Variants in PRKCA observed in about 807,000 individuals in gnomAD.
PRKCA encodes protein kinase C alpha.
A neutral mutation model predicts 87.0 loss-of-function variants in PRKCA; 27 were observed. The ratio of observed to expected loss-of-function variants is 0.31; its 90% CI spans 0.23 to 0.43. The LOEUF is 0.43. Among genes scored for constraint, PRKCA ranks in the 20% least tolerant of loss-of-function variants. PRKCA has a pLI of 1.00. For missense variants in PRKCA, 518 were observed against 852.3 expected, an observed-to-expected ratio of 0.61 and a Z score of 4.88; for synonymous variants, 329 against 311.1, an observed-to-expected ratio of 1.06 and a Z score of -0.61.
At chr17:66,553,182 G>C (rs185844595) in intron 3 of PRKCA, among the ~76,000 whole-genome samples, 1 of 151,804 alleles carries the variant, frequency 6.6e-6, no homozygotes, top group African/African-American at 2.4e-5. Flanking sequence ...GGGTTTTGCC[G>C]TGTTGCCCAG....
At chr17:66,419,202 A>G (rs939106378) in intron 2 of PRKCA, among the ~76,000 whole-genome samples, 1 of 152,214 alleles carries the variant, frequency 6.6e-6, no homozygotes, top group African/African-American at 2.4e-5. Flanking sequence ...GTTGTTAGGC[A>G]GTCATGTGCT....
chr17:66,733,791 C>CA (rs780000047), intron 9 of PRKCA, among the ~76,000 whole-genome samples: 23 of 151,920 alleles, frequency 1.5e-4, no homozygotes, highest in Non-Finnish European at 1.9e-4. Context: ...GACTCCGTCT[C>CA]AAAAAAAGTA....
At chr17:66,397,846 C>G (rs1470133192) in intron 2 of PRKCA, among the ~76,000 whole-genome samples, 1 of 152,150 alleles carries the variant, frequency 6.6e-6, no homozygotes, top group Non-Finnish European at 1.5e-5. Flanking sequence ...TCGTCCAACT[C>G]TGTTTGTGAC....
intron 3 of PRKCA, among the ~76,000 whole-genome samples, chr17:66,557,746 C>G (rs1156502225): frequency 6.6e-6 from 1 of 152,114 alleles, no homozygotes; most frequent in Admixed American, 6.6e-5. Flanking sequence ...CTTCCAAAAC[C>G]TAGAATTTTT....
At chr17:66,667,176 G>T (rs549449749) in intron 5 of PRKCA, among the ~76,000 whole-genome samples, 2 of 152,150 alleles carry the variant, frequency 1.3e-5, no homozygotes, top group African/African-American at 2.4e-5. Flanking sequence ...ATGTCTGCGT[G>T]TTTAGTTCAG....
rs1446965802 is a variant in PRKCA at position 66,534,527 on chromosome 17, C to T, written c.288+38244C>T. ...CTAAAAATACAAAAAATTAGCCGGGCGTGGTGGCGGGCGCCTGTAGTCCCA... is the reference window on the plus strand; with the variant it reads ...CTAAAAATACAAAAAATTAGCCGGGTGTGGTGGCGGGCGCCTGTAGTCCCA... On this transcript the variant is annotated intron_variant, in intron 3 of 16. Coordinates refer to ENST00000413366, the MANE Select transcript of PRKCA (RefSeq NM_002737.3). 3.9e-5 allele frequency among the ~76,000 whole-genome samples: 6 copies of T among 152,074 alleles called. No homozygotes were observed. The East Asian group carries it at 7.8e-4, about 20-fold the overall frequency.
At chr17:66,474,294 T>C (rs192285812) in intron 2 of PRKCA, among the ~76,000 whole-genome samples, 7 of 152,326 alleles carry the variant, frequency 4.6e-5, no homozygotes, top group African/African-American at 1.4e-4. Flanking sequence ...TTTTCTTGTA[T>C]ATGTGCATGC....
chr17:66,583,964 T>C (rs1732741429), intron 3 of PRKCA, among the ~76,000 whole-genome samples: 2 of 152,202 alleles, frequency 1.3e-5, no homozygotes, highest in South Asian at 4.1e-4. Context: ...CGTTTTGTGC[T>C]GTTAGTTTCC....
At chr17:66,798,375 AGGC>A (rs1975718814) in intron 16 of PRKCA, among the ~76,000 whole-genome samples, 1 of 60,834 alleles carries the variant, frequency 1.6e-5, no homozygotes, top group African/African-American at 6.6e-5. Flanking sequence ...CTTTTTCAGT[AGGC>A]GGTGGTGGTG....
intron 2 of PRKCA, among the ~76,000 whole-genome samples, chr17:66,319,258 A>C (rs578103410): frequency 6.6e-6 from 1 of 152,308 alleles, no homozygotes; most frequent in South Asian, 2.1e-4. Context: ...GAGTAATATG[A>C]CAATTGAAGT....
chr17:66,463,833 A>G (rs1195182561), intron 2 of PRKCA, among the ~76,000 whole-genome samples: 1 of 152,182 alleles, frequency 6.6e-6, no homozygotes, highest in Non-Finnish European at 1.5e-5. Flanking sequence ...ATCATCCCTC[A>G]CCAGAGTGGT....
chr17:66,594,320 G>T (rs145318759), intron 3 of PRKCA, among the ~76,000 whole-genome samples: 4 of 152,298 alleles, frequency 2.6e-5, no homozygotes, highest in Non-Finnish European at 5.9e-5. Context: ...GGGTGGGGTG[G>T]TCTAAGGACT....
intron 3 of PRKCA, among the ~76,000 whole-genome samples, chr17:66,619,589 A>C (rs1378683767): frequency 6.6e-6 from 1 of 152,200 alleles, no homozygotes; most frequent in African/African-American, 2.4e-5. Context: ...CCTCAAATGA[A>C]TATCATTATC....
chr17:66,653,809 A>G (rs771245261), intron 5 of PRKCA, among the ~76,000 whole-genome samples: 1 of 68,694 alleles, frequency 1.5e-5, no homozygotes, highest in Non-Finnish European at 3.8e-5. Flanking sequence ...AAAAAAAAAA[A>G]CAAAACCAAC....
intron 2 of PRKCA, among the ~76,000 whole-genome samples, chr17:66,474,023 A>G (rs987055998): frequency 1.3e-5 from 2 of 152,194 alleles, no homozygotes; most frequent in Non-Finnish European, 2.9e-5. Flanking sequence ...TTTGCAATTT[A>G]CTACTTCTTG....
chr17:66,356,923 TTG>T (rs1318716963), intron 2 of PRKCA, among the ~76,000 whole-genome samples: 1 of 152,164 alleles, frequency 6.6e-6, no homozygotes, highest in African/African-American at 2.4e-5. Flanking sequence ...CTGCTATTTA[TTG>T]ATTTTTTACT....
At chr17:66,429,534 C>A (rs1289586810) in intron 2 of PRKCA, among the ~76,000 whole-genome samples, 3 of 152,090 alleles carry the variant, frequency 2.0e-5, no homozygotes, top group African/African-American at 7.2e-5. Context: ...GTTGCATGTA[C>A]ATTGCATGGA....
At chr17:66,470,829 GA>G (rs1915295345) in intron 2 of PRKCA, among the ~76,000 whole-genome samples, 2 of 152,200 alleles carry the variant, frequency 1.3e-5, no homozygotes, top group South Asian at 4.1e-4. Flanking sequence ...ATTAAAACTT[GA>G]AAAGTGATCT....
chr17:66,567,085 A>G (rs781354401), intron 3 of PRKCA, among the ~76,000 whole-genome samples: 4 of 152,226 alleles, frequency 2.6e-5, no homozygotes, highest in Admixed American at 6.5e-5. Context: ...ATTTTAAAAT[A>G]TGGAAAAGGT....
Sources: gnomAD v4.1 joint callset for allele counts (sites outside exome capture counted in the v4.1 genomes callset) on GRCh38, gnomAD v4.1.1 for gene constraint, MANE v1.5 for transcripts, NCBI Gene and HGNC (gene_info 2026-07-23, HGNC 2026-07-21) for gene names.